The following SLC6A4 variants were observed in gnomAD, a reference collection of about 807,000 sequenced individuals.
SLC6A4 encodes the protein sodium-dependent serotonin transporter.
SLC6A4 carries 22 observed loss-of-function variants against 73.4 expected under a neutral mutation model. The observed-to-expected ratio is 0.30, with a 90% CI of 0.21 to 0.43. SLC6A4 has a LOEUF of 0.43. SLC6A4 is among the 20% of genes least tolerant of loss of function. The pLI is 1.00. For missense variants in SLC6A4, 593 were observed against 808.5 expected (o/e 0.73, Z 3.23); for synonymous variants, 270 against 315.5 (o/e 0.86, Z 1.53).
intron 3 of SLC6A4, 122 bp downstream of exon 3, chr17:30,221,468 ACAGCCCACCCGGGTCACAGCCCATCC>A (rs1906752795): frequency 1.8e-6 from 1 of 559,538 alleles, no homozygotes; most frequent in Non-Finnish European, 3.1e-6. Flanking sequence ...ACCCCAGGTC[ACAGCCCACCCGGGTCACAGCCCATCC>A]CAGGTCACAG....
chr17:30,218,445 A>ACGTGG, intron 4 of SLC6A4, 108 bp from the exon 5 acceptor site: 1 of 827,406 alleles, frequency 1.2e-6, no homozygotes, highest in Non-Finnish European at 2.0e-6. Context: ...AGAGGGGTAC[A>ACGTGG]CGTGGGTGCT....
chr17:30,226,151 TCAAAA>T (rs1319541666), intron 1 of SLC6A4, among the ~76,000 whole-genome samples: 1 of 152,210 alleles, frequency 6.6e-6, no homozygotes, highest in African/African-American at 2.4e-5. Context: ...ACTTTCTTTC[TCAAAA>T]CAAACAAAAA....
In SLC6A4 at chr17:30,216,849, TTG is replaced by T. The variant is rs1427250302; in HGVS notation, c.837+315_837+316del. ...ACACCTGGCTATTGTTTTTTTTTGT[TTG>T]TTTGTTTGTTTGTTTGTTTGTTTGT... On this transcript the variant is annotated intron_variant, in intron 6 of 14. Coordinates refer to ENST00000650711, the MANE Select transcript of SLC6A4 (RefSeq NM_001045.6). Among the ~76,000 whole-genome samples the T allele has an allele frequency of 7.1e-3, 470 of 65,942 alleles. 1 individual carries two copies. Among genetic ancestry groups the T allele is most frequent in the African/African-American group, 0.015 (458 of 30,484 alleles). The allele number at this position is 65,942 out of a possible 152,430, so 43.3% of individuals were successfully genotyped here. A position where few individuals can be genotyped will look rare whatever the true frequency, so the allele number is the denominator to read the frequency against.
intron 11 of SLC6A4, among the ~76,000 whole-genome samples, chr17:30,210,101 A>G (rs1303918533): frequency 6.6e-6 from 1 of 151,672 alleles, no homozygotes; most frequent in Non-Finnish European, 1.5e-5. Context: ...AAGGATCTCT[A>G]GAGAGGGTGT....
In SLC6A4 at chr17:30,211,537, G is replaced by A; in HGVS notation, c.1205-113C>T. Reference sequence around the variant, plus strand: ...TACAATTCTCATCACAAGACCTTATGTGTGAATCAGGTTTTGACACACACC... The same window carrying A: ...TACAATTCTCATCACAAGACCTTATATGTGAATCAGGTTTTGACACACACC... On this transcript the variant is annotated intron_variant, in intron 9 of 14. Transcript: ENST00000650711. The surrounding 1 kb of genome is among the most constrained non-coding windows in gnomAD (Gnocchi z 4.0). 2.8e-6 allele frequency: 2 copies of A among 706,656 alleles called. No individual in the cohort carries two copies. 43.8% of individuals were successfully genotyped at this position (706,656 alleles called of 1,614,324 possible).
rs748936504 is a variant in SLC6A4 at position 30,221,780 on chromosome 17, C to T, written c.179G>A (p.Arg60Gln). 33 of 1,614,032 alleles carry T rather than the reference C, an allele frequency of 2.0e-5. No individual in the cohort carries two copies. The highest frequency in any genetic ancestry group is 1.1e-4 in the South Asian group (10 of 91,078). ...GGTGGTGGTCGCTGGGATAGAGTGC[C>T]GTGTGTCATCTCCCGCACCAGGACT... ...VPSPGAGDDT[R>Q]HSIPATTTTL... The change falls in exon 3 of 15, where the codon CGG becomes CAG. Residue 60 changes from arginine to glutamine, a missense_variant. Transcript: ENST00000650711.
chr17:30,212,677 CA>C, intron 9 of SLC6A4, 62 bp downstream of exon 9: 1 of 1,555,472 alleles, frequency 6.4e-7, no homozygotes, highest in East Asian at 2.3e-5. Context: ...TAGATCTTTA[CA>C]AAGATTCAAA....
intron 14 of SLC6A4, among the ~76,000 whole-genome samples, chr17:30,200,192 C>T (rs538668567): frequency 9.6e-4 from 146 of 152,352 alleles, no homozygotes; most frequent in African/African-American, 3.4e-3. Flanking sequence ...TGTGCCCTTA[C>T]CTACCCACAT....
chr17:30,212,845 C>T lies in SLC6A4; in HGVS notation c.1099G>A (p.Val367Met), dbSNP rs1372075335. 2 of 1,614,122 alleles carry T rather than the reference C, an allele frequency of 1.2e-6. No homozygotes were observed. Among genetic ancestry groups the T allele is most frequent in the Non-Finnish European group, 1.7e-6 (2 of 1,180,004 alleles). The change falls in exon 9 of 15, where the codon GTG (valine) becomes ATG (methionine). Residue 367 changes from valine (V) to methionine (M), a missense_variant. Val to Met is a conservative substitution (Grantham distance 21). Coordinates refer to ENST00000650711, the MANE Select transcript of SLC6A4 (RefSeq NM_001045.6). Reference protein sequence around the residue: ...CYQDALVTSVVNCMTSFVSGF... With the variant: ...CYQDALVTSVMNCMTSFVSGF... ...GAAACGAAGCTCGTCATGCAGTTCACCACGCTGGTCACCAGGGCATCTCTG... is the reference window on the plus strand; with the variant it reads ...GAAACGAAGCTCGTCATGCAGTTCATCACGCTGGTCACCAGGGCATCTCTG...
intron 1 of SLC6A4, among the ~76,000 whole-genome samples, chr17:30,228,664 C>T (rs891175910): frequency 3.3e-5 from 5 of 152,182 alleles, no homozygotes; most frequent in South Asian, 2.1e-4. Context: ...CCAACAGTGC[C>T]GTGTGCGTCC....
intron 1 of SLC6A4, among the ~76,000 whole-genome samples, chr17:30,226,976 T>C (rs1156754365): frequency 6.6e-6 from 1 of 152,008 alleles, no homozygotes; most frequent in Non-Finnish European, 1.5e-5. Context: ...AACCAACTGC[T>C]AGGAAAAACA....
chr17:30,231,516 A>C (rs766287041), intron 1 of SLC6A4, among the ~76,000 whole-genome samples: 1 of 151,692 alleles, frequency 6.6e-6, no homozygotes, highest in Admixed American at 6.6e-5. Context: ...ATACAGATAC[A>C]TAAATGGCAT....
At chr17:30,205,575 T>A (rs1906166978) in intron 13 of SLC6A4, among the ~76,000 whole-genome samples, 1 of 152,194 alleles carries the variant, frequency 6.6e-6, no homozygotes, top group Non-Finnish European at 1.5e-5. Flanking sequence ...GCATTTTAAA[T>A]GTGCCTAAAT....
chr17:30,233,093 C>T (rs1245888829), intron 1 of SLC6A4, among the ~76,000 whole-genome samples: 1 of 152,138 alleles, frequency 6.6e-6, no homozygotes, highest in African/African-American at 2.4e-5. Context: ...CTGGTTAAGC[C>T]CAGAAACAGA....
At chr17:30,215,906 A>G (rs1296002244) in intron 7 of SLC6A4, among the ~76,000 whole-genome samples, 176 bp downstream of exon 7, 2 of 152,192 alleles carry the variant, frequency 1.3e-5, no homozygotes, top group East Asian at 3.9e-4. Flanking sequence ...ATTCAGGCAT[A>G]AACCCATCCA....
At position 30,221,758 on chromosome 17, in the gene SLC6A4, G is replaced by A. The variant is rs28914828; in HGVS notation, c.201C>T (p.Thr67=). Residue 67 remains threonine, a synonymous_variant, in exon 3 of 15, where the codon ACC becomes ACT. Transcript: ENST00000650711. ...GATGAAGCTCAGCCACTAGGGTGGTGGTGGTCGCTGGGATAGAGTGCCGTG... is the reference window on the plus strand; with the variant it reads ...GATGAAGCTCAGCCACTAGGGTGGTAGTGGTCGCTGGGATAGAGTGCCGTG... ...DDTRHSIPAT[T]TTLVAELHQG... 3.7e-6 allele frequency: 6 copies of A among 1,614,062 alleles called. No individual in the cohort carries two copies. The African/African-American group carries it at 4.0e-5, about 11-fold the overall frequency.
At chr17:30,201,752 G>A (rs886267020) in intron 14 of SLC6A4, among the ~76,000 whole-genome samples, 1 of 152,138 alleles carries the variant, frequency 6.6e-6, no homozygotes, top group African/African-American at 2.4e-5. Context: ...TCAGAGTTCT[G>A]TTCACCCAGA....
chr17:30,203,439 C>T (rs561895957), intron 13 of SLC6A4, 100 bp from the exon 14 acceptor site: 24 of 1,030,318 alleles, frequency 2.3e-5, no homozygotes, highest in Non-Finnish European at 3.5e-5. Flanking sequence ...AGCTAAGATA[C>T]TTTCAGGAAA....
At chr17:30,227,580 G>A (rs1036933716) in intron 1 of SLC6A4, among the ~76,000 whole-genome samples, 4 of 151,984 alleles carry the variant, frequency 2.6e-5, no homozygotes, top group Non-Finnish European at 5.9e-5. Context: ...CAACCTCCCG[G>A]GCTCAAGGAA....
Sources: allele counts gnomAD v4.1 joint callset (sites outside exome capture counted in the v4.1 genomes callset), GRCh38; gene constraint gnomAD v4.1.1; non-coding constraint Gnocchi (gnomAD v3.1); transcripts MANE v1.5; gene names NCBI Gene and HGNC (gene_info 2026-07-23, HGNC 2026-07-21).